BFSP1: variants seen among roughly 807,000 people sequenced by gnomAD.
BFSP1 encodes the protein filensin.
Under a neutral mutation model 43.9 loss-of-function variants are expected in BFSP1, and 38 were observed. The observed-to-expected ratio is 0.87, with a 90% CI of 0.67 to 1.14. The LOEUF (loss-of-function observed/expected upper bound fraction) is 1.14. Ranked by LOEUF, BFSP1 falls within the 50% of genes most tolerant of loss-of-function variation. The pLI is 0.00. For synonymous variants in BFSP1, 352 were observed against 354.8 expected (o/e 0.99, Z 0.09); for missense variants, 850 against 875.1 (o/e 0.97, Z 0.36).
intron 1 of BFSP1, among the ~76,000 whole-genome samples, chr20:17,552,837 A>G (rs1282158810): frequency 6.6e-6 from 1 of 152,218 alleles, no homozygotes; most frequent in Non-Finnish European, 1.5e-5. Context: ...TGTTTTAATT[A>G]TGAGAAGTTG....
intron 5 of BFSP1, among the ~76,000 whole-genome samples, chr20:17,500,037 G>C (rs2033758492): frequency 6.6e-6 from 1 of 152,156 alleles, no homozygotes; most frequent in African/African-American, 2.4e-5. Context: ...TAAGTAAAAA[G>C]AAGCACATAC....
intron 1 of BFSP1, among the ~76,000 whole-genome samples, chr20:17,568,868 C>T (rs1457573806): frequency 1.3e-5 from 2 of 151,820 alleles, no homozygotes; most frequent in Non-Finnish European, 2.9e-5. Context: ...TAGTTTTGGT[C>T]GAGGCCATGA....
upstream of BFSP1, among the ~76,000 whole-genome samples, chr20:17,532,183 C>T (rs1162155595): frequency 1.3e-5 from 2 of 152,090 alleles, no homozygotes; most frequent in East Asian, 1.9e-4. Context: ...GAGGCCGAGG[C>T]GGGCGGATCA....
chr20:17,529,911 A>G (rs1303877123), intron 1 of BFSP1, among the ~76,000 whole-genome samples: 1 of 152,272 alleles, frequency 6.6e-6, no homozygotes, highest in African/African-American at 2.4e-5. Context: ...TGAGTCAAAG[A>G]GCACACACAT....
At position 17,497,459 on chromosome 20, in the gene BFSP1, T is replaced by TATACACACAC. The variant is rs1555800560; in HGVS notation, c.957-437_957-436insGTGTGTGTAT. Reference sequence around the variant, plus strand: ...ATATATACGTGTATGTATATATATATACACACACACACGTATATATACGTG... The same window carrying TATACACACAC: ...ATATATACGTGTATGTATATATATATATACACACACACACACACACACGTATATATACGTG... On this transcript the variant is annotated intron_variant, in intron 6 of 7. Coordinates refer to ENST00000377873, the MANE Select transcript of BFSP1 (RefSeq NM_001195.5). Among the ~76,000 whole-genome samples, 669 of 144,934 alleles carry TATACACACAC rather than the reference T, an allele frequency of 4.6e-3. 7 individuals are homozygous for TATACACACAC. Among genetic ancestry groups the TATACACACAC allele is most frequent in the South Asian group, 0.029 (134 of 4,650 alleles).
At chr20:17,503,048 G>C (rs2033840999) in intron 5 of BFSP1, among the ~76,000 whole-genome samples, 1 of 152,178 alleles carries the variant, frequency 6.6e-6, no homozygotes, top group South Asian at 2.1e-4. Context: ...GAGACAGGCA[G>C]GGTCTCACTC....
chr20:17,557,504 G>A (rs922068353), intron 1 of BFSP1, among the ~76,000 whole-genome samples: 1 of 152,078 alleles, frequency 6.6e-6, no homozygotes, highest in Non-Finnish European at 1.5e-5. Context: ...TCAGTCCTGG[G>A]CCCTCCTGGC....
chr20:17,534,982 CTGCACTCCAACCTAGG>C (rs1278070588), upstream of BFSP1, among the ~76,000 whole-genome samples: 1 of 151,832 alleles, frequency 6.6e-6, no homozygotes, highest in East Asian at 1.9e-4. Flanking sequence ...TATCACGCCA[CTGCACTCCAACCTAGG>C]TGACAGAGTG....
intron 1 of BFSP1, chr20:17,541,211 AT>A (rs1252405429): frequency 3.2e-6 from 3 of 936,730 alleles, no homozygotes; most frequent in African/African-American, 1.8e-5. Context: ...TAAAAAAAAA[AT>A]AATAATTAGT....
chr20:17,548,180 CAAAAA>C (rs11470598), intron 1 of BFSP1, among the ~76,000 whole-genome samples: 129 of 119,844 alleles, frequency 1.1e-3, no homozygotes, highest in South Asian at 3.0e-3. Context: ...GAAAATAATG[CAAAAA>C]AAAAAAAAAA....
At chr20:17,521,503 T>C (rs1240917299) in intron 2 of BFSP1, among the ~76,000 whole-genome samples, 1 of 152,200 alleles carries the variant, frequency 6.6e-6, no homozygotes, top group African/African-American at 2.4e-5. Flanking sequence ...AAATGGCCAC[T>C]GAGACTGAGC....
rs1250413867 is a variant in BFSP1, at chr20:17,531,283, T to G, written c.47A>C (p.Glu16Ala). Residue 16 changes from glutamate to alanine, a missense_variant, in exon 1 of 8, where the codon GAG becomes GCG. By Grantham distance (107) the Glu-to-Ala change is moderately radical (BLOSUM62 -1). Coordinates refer to ENST00000377873, the MANE Select transcript of BFSP1 (RefSeq NM_001195.5). The stretch of plus-strand genomic sequence containing the variant: ...GGCGCGCGAAGCCTCGTCGGCGTGC[T>G]CGTACTGCTCCTTGCGGGTCTGGAA... Reference protein sequence around the residue: ...YVFQTRKEQYEHADEASRAAE... With the variant: ...YVFQTRKEQYAHADEASRAAE... The G allele has an allele frequency of 6.8e-7, 1 of 1,468,126 alleles. No individual in the cohort carries two copies. Among genetic ancestry groups the G allele is most frequent in the Non-Finnish European group, 9.0e-7 (1 of 1,114,096 alleles). 90.9% of individuals were successfully genotyped at this position (1,468,126 alleles called of 1,614,324 possible). A position where few individuals can be genotyped will look rare whatever the true frequency, so the allele number is the denominator to read the frequency against.
chr20:17,560,921 A>G (rs902657259), upstream of BFSP1: 1 of 152,156 alleles, frequency 6.6e-6, no homozygotes, highest in African/African-American at 2.4e-5. Context: ...CACCGTGTGA[A>G]ACAGTCCTTT....
chr20:17,497,573 T>C (rs1288975303), intron 6 of BFSP1, among the ~76,000 whole-genome samples: 1 of 21,336 alleles, frequency 4.7e-5, no homozygotes, highest in Non-Finnish European at 8.2e-5. Flanking sequence ...TGTGTATATG[T>C]ATATATACGT....
intron 2 of BFSP1, among the ~76,000 whole-genome samples, chr20:17,522,137 T>C (rs1178235595): frequency 1.3e-5 from 2 of 152,178 alleles, no homozygotes; most frequent in Admixed American, 6.5e-5. Context: ...GAGAACTCTC[T>C]GGCTTCGTGT....
intron 1 of BFSP1, among the ~76,000 whole-genome samples, chr20:17,566,035 T>C (rs903454777): frequency 6.7e-6 from 1 of 149,778 alleles, no homozygotes. Context: ...AGATAATCGC[T>C]TGAACTCAGG....
chr20:17,495,105 G>A (rs1473713235), intron 7 of BFSP1, 76 bp from the exon 8 acceptor site: 8 of 1,383,614 alleles, frequency 5.8e-6, no homozygotes, highest in African/African-American at 1.5e-5. Flanking sequence ...TTGGAAAATA[G>A]GCTAACTCTC....
At chr20:17,503,530 A>C (rs957387317) in intron 5 of BFSP1, among the ~76,000 whole-genome samples, 5 of 152,092 alleles carry the variant, frequency 3.3e-5, no homozygotes, top group African/African-American at 1.2e-4. Context: ...ACCTCACAAC[A>C]ACCTTATCAG....
chr20:17,494,518 C>G lies in BFSP1; in HGVS notation c.1554G>C (p.Lys518Asn). 1 of 1,614,196 alleles carries G rather than the reference C, an allele frequency of 6.2e-7. No homozygotes were observed. Among genetic ancestry groups the G allele is most frequent in the Non-Finnish European group, 8.5e-7 (1 of 1,180,028 alleles). ...CCACCTGCCCATTCTCTAAAGGGGGCTTGGGTGACTCAGGAGAGGGCTCCA... is the reference window on the plus strand; with the variant it reads ...CCACCTGCCCATTCTCTAAAGGGGGGTTGGGTGACTCAGGAGAGGGCTCCA... ...GQVEPSPESPKPPLENGQVGL... is the reference protein window; with the variant it reads ...GQVEPSPESPNPPLENGQVGL... Residue 518 changes from lysine to asparagine, a missense_variant, in exon 8 of 8, where the codon AAG (lysine) becomes AAC (asparagine). Transcript: ENST00000377873.
Sources: gnomAD v4.1 joint callset for allele counts (sites outside exome capture counted in the v4.1 genomes callset) on GRCh38, gnomAD v4.1.1 for gene constraint, MANE v1.5 for transcripts, NCBI Gene and HGNC (gene_info 2026-07-23, HGNC 2026-07-21) for gene names.